The following BABAM2 variants were observed in gnomAD, a reference collection of about 807,000 sequenced individuals.
BABAM2 encodes BRISC and BRCA1-A complex member 2.
BABAM2 carries 31 observed loss-of-function variants against 54.7 expected under a neutral mutation model. The observed-to-expected ratio is 0.57, with a 90% CI of 0.43 to 0.77. The LOEUF (loss-of-function observed/expected upper bound fraction) is 0.77. Among genes scored for constraint, BABAM2 ranks in the 30% least tolerant of loss-of-function variants. The probability of loss-of-function intolerance (pLI) is 0.00; values close to 1 mark genes in which losing one functional copy is unlikely to be tolerated. For synonymous variants in BABAM2, 167 were observed against 162.9 expected (o/e 1.03, Z -0.19); for missense variants, 364 against 455.8 (o/e 0.80, Z 1.83).
At chr2:27,890,211 G>A (rs1482405702), upstream of BABAM2, 1 of 1,574,814 alleles carries the variant, frequency 6.3e-7, no homozygotes, top group East Asian at 2.3e-5. The surrounding 1 kb of genome is among the most constrained non-coding windows in gnomAD (Gnocchi z 4.8). Flanking sequence ...CGCACGGCAC[G>A]CCTCCTCCCC....
chr2:28,190,181 A>G (rs975431938), intron 7 of BABAM2, among the ~76,000 whole-genome samples: 1 of 152,252 alleles, frequency 6.6e-6, no homozygotes, highest in Non-Finnish European at 1.5e-5. Context: ...AGCTAAAATT[A>G]TAGGTATTGT....
chr2:27,942,701 T>G lies in BABAM2; in HGVS notation c.205+12793T>G, dbSNP rs147417158. 8.7e-3 allele frequency among the ~76,000 whole-genome samples: 1,322 copies of G among 152,204 alleles called. 12 individuals carry two copies. Among genetic ancestry groups the G allele is most frequent in the Middle Eastern group, 0.014 (4 of 294 alleles). ...TTAATGTAATAGGCTGTTCTTTAATTGTTTCATAGCCTGCCTACCAACCCC... is the reference window on the plus strand; with the variant it reads ...TTAATGTAATAGGCTGTTCTTTAATGGTTTCATAGCCTGCCTACCAACCCC... On this transcript the variant is annotated intron_variant, in intron 3 of 11. Coordinates refer to ENST00000379624, the MANE Select transcript of BABAM2 (RefSeq NM_199191.3).
intron 7 of BABAM2, among the ~76,000 whole-genome samples, chr2:28,181,474 G>T (rs979397620): frequency 6.6e-6 from 1 of 152,060 alleles, no homozygotes; most frequent in Admixed American, 6.5e-5. Flanking sequence ...ATAGTTAGAA[G>T]GAATAAATTC....
intron 7 of BABAM2, among the ~76,000 whole-genome samples, chr2:28,170,033 AT>A (rs1674147021): frequency 1.3e-5 from 2 of 152,152 alleles, no homozygotes; most frequent in South Asian, 2.1e-4. Context: ...CCGTTTGTGA[AT>A]TTCAGACAAT....
chr2:28,096,380 A>C (rs1421392454), intron 6 of BABAM2, among the ~76,000 whole-genome samples: 4 of 49,724 alleles, frequency 8.0e-5, no homozygotes, highest in Non-Finnish European at 1.6e-4. Flanking sequence ...TGATCAGCAA[A>C]AAAAAAAAAA....
At chr2:27,963,298 CG>C (rs1670603508) in intron 3 of BABAM2, among the ~76,000 whole-genome samples, 1 of 151,784 alleles carries the variant, frequency 6.6e-6, no homozygotes, top group Non-Finnish European at 1.5e-5. Context: ...GGCAAAACCC[CG>C]TGTCTACTAA....
chr2:28,034,311 T>C (rs1676506881), intron 5 of BABAM2, among the ~76,000 whole-genome samples: 1 of 152,210 alleles, frequency 6.6e-6, no homozygotes, highest in Non-Finnish European at 1.5e-5. Context: ...TGTGTCACTT[T>C]CCTGGAGATA....
intron 11 of BABAM2, among the ~76,000 whole-genome samples, chr2:28,315,134 A>AG (rs1689419844): frequency 1.3e-5 from 1 of 78,758 alleles, no homozygotes; most frequent in Admixed American, 1.4e-4. Context: ...AAGGGAGAGA[A>AG]GGAGAGGGGA....
intron 7 of BABAM2, among the ~76,000 whole-genome samples, chr2:28,207,359 A>G (rs1035604319): frequency 1.5e-5 from 2 of 129,542 alleles, no homozygotes; most frequent in African/African-American, 5.7e-5. Context: ...AAAAAAAAAA[A>G]TCCTAGGATG....
upstream of BABAM2, chr2:27,890,319 C>T (rs777295403): frequency 1.5e-5 from 25 of 1,613,744 alleles, no homozygotes; most frequent in African/African-American, 2.7e-5. This position sits in a 1 kb window ranked among gnomAD's most constrained non-coding sequence, Gnocchi z 4.8. Context: ...CTTGCCACTG[C>T]CTCTGGGGTT....
At chr2:28,318,074 T>C (rs952301020) in intron 11 of BABAM2, among the ~76,000 whole-genome samples, 3 of 152,242 alleles carry the variant, frequency 2.0e-5, no homozygotes, top group Admixed American at 1.3e-4. Flanking sequence ...AGTCAATCTC[T>C]AGTTATCCAA....
intron 2 of BABAM2, among the ~76,000 whole-genome samples, chr2:27,906,809 GA>G (rs151270885): frequency 0.056 from 8,267 of 148,762 alleles, 633 homozygotes; most frequent in African/African-American, 0.17. Context: ...TTGTTCAAAG[GA>G]AAAAAAAAAT....
At chr2:28,167,741 G>T (rs141130435) in intron 7 of BABAM2, among the ~76,000 whole-genome samples, 1 of 141,612 alleles carries the variant, frequency 7.1e-6, no homozygotes, top group South Asian at 2.4e-4. Context: ...AATAAATAAC[G>T]CAGTTTGCTA....
chr2:28,312,765 A>C (rs1371044658), intron 11 of BABAM2, among the ~76,000 whole-genome samples: 1 of 152,094 alleles, frequency 6.6e-6, no homozygotes, highest in Non-Finnish European at 1.5e-5. Flanking sequence ...TTTAGAGATC[A>C]TCTAGTACTG....
chr2:28,275,779 G>C (rs924951342), intron 10 of BABAM2, among the ~76,000 whole-genome samples: 2 of 152,158 alleles, frequency 1.3e-5, no homozygotes, highest in Non-Finnish European at 2.9e-5. Flanking sequence ...AGAGAGGACA[G>C]CTTACGCATG....
chr2:27,992,328 T>C (rs1391538227), intron 4 of BABAM2, among the ~76,000 whole-genome samples: 1 of 152,142 alleles, frequency 6.6e-6, no homozygotes, highest in Non-Finnish European at 1.5e-5. Flanking sequence ...TTGTATACTG[T>C]GCATTGAACA....
At chr2:28,084,163 T>C (rs1001738069) in intron 6 of BABAM2, among the ~76,000 whole-genome samples, 2 of 152,106 alleles carry the variant, frequency 1.3e-5, no homozygotes, top group African/African-American at 4.8e-5. Flanking sequence ...CCATACAGGA[T>C]TTTTATACTT....
Position 28,198,905 on chromosome 2 carries a change from C to T in BABAM2, c.681-38297C>T, listed in dbSNP as rs540300196. 5.9e-5 allele frequency among the ~76,000 whole-genome samples: 9 copies of T among 152,124 alleles called. No homozygotes were observed. The South Asian group carries it at 6.2e-4, about 11-fold the overall frequency. On this transcript the variant is annotated intron_variant, in intron 7 of 11. Transcript: ENST00000379624. Reference sequence around the variant, plus strand: ...TCTAGTGACAACACCTCCCCTGCCCCCACCTGTCCTCACAAAACCTGTAAA... The same window carrying T: ...TCTAGTGACAACACCTCCCCTGCCCTCACCTGTCCTCACAAAACCTGTAAA...
intron 6 of BABAM2, among the ~76,000 whole-genome samples, chr2:28,059,918 T>G (rs1678726100): frequency 6.6e-6 from 1 of 152,186 alleles, no homozygotes; most frequent in South Asian, 2.1e-4. Context: ...CCTGGTAAAT[T>G]CCACCAATCA....
Sources: allele counts gnomAD v4.1 joint callset (sites outside exome capture counted in the v4.1 genomes callset), GRCh38; gene constraint gnomAD v4.1.1; non-coding constraint Gnocchi (gnomAD v3.1); transcripts MANE v1.5; gene names NCBI Gene and HGNC (gene_info 2026-07-23, HGNC 2026-07-21).